TCF4: variants seen among roughly 807,000 people sequenced by gnomAD.
TCF4 encodes the protein transcription factor 4, also known as SL3-3 enhancer factor 2.
Under a neutral mutation model 82.1 loss-of-function variants are expected in TCF4, and 3 were observed. The ratio of observed to expected loss-of-function variants is 0.04; its 90% CI spans 0.02 to 0.09. The LOEUF (loss-of-function observed/expected upper bound fraction) is 0.09, where lower values mean the gene tolerates loss of function less well. Ranked by LOEUF, TCF4 falls within the 10% of genes least tolerant of loss-of-function variation. The pLI is 1.00. For missense variants in TCF4, 518 were observed against 852.7 expected, an observed-to-expected ratio of 0.61 and a Z score of 4.89; for synonymous variants, 276 against 309.6, an observed-to-expected ratio of 0.89 and a Z score of 1.14.
At chr18:55,495,812 C>CTTTA (rs2096628640) in intron 3 of TCF4, 1 of 152,064 alleles carries the variant, frequency 6.6e-6, no homozygotes, top group South Asian at 2.1e-4. Context: ...AGAAAAGAGC[C>CTTTA]ATTTTCCACC....
chr18:55,269,806 C>T, intron 11 of TCF4, 25 bp downstream of exon 11: 2 of 1,612,634 alleles, frequency 1.2e-6, no homozygotes, highest in Middle Eastern at 1.7e-4. Flanking sequence ...TTGTTGGTAT[C>T]AGAATTGGCA....
intron 8 of TCF4, among the ~76,000 whole-genome samples, chr18:55,314,198 T>C (rs1259702335): frequency 6.6e-6 from 1 of 152,102 alleles, no homozygotes; most frequent in Non-Finnish European, 1.5e-5. Context: ...TACACATTTA[T>C]CCCAACCCCC....
chr18:55,359,495 C>T (rs1384740741), intron 6 of TCF4, among the ~76,000 whole-genome samples: 1 of 152,182 alleles, frequency 6.6e-6, no homozygotes, highest in African/African-American at 2.4e-5. Flanking sequence ...TGGCATCCAA[C>T]AGGGTGGGCC....
intron 3 of TCF4, among the ~76,000 whole-genome samples, chr18:55,477,871 T>A (rs1256299648): frequency 6.6e-6 from 1 of 152,222 alleles, no homozygotes; most frequent in African/African-American, 2.4e-5. Context: ...TTGGTTCTAG[T>A]AGGTCTGCAA....
intron 2 of TCF4, among the ~76,000 whole-genome samples, chr18:55,598,599 A>G (rs1263445637): frequency 6.6e-6 from 1 of 152,208 alleles, no homozygotes; most frequent in East Asian, 1.9e-4. Context: ...GAAGGCAGAG[A>G]CCAGTTAGAA....
At chr18:55,416,977 CA>C (rs2094546741) in intron 5 of TCF4, among the ~76,000 whole-genome samples, 2 of 152,064 alleles carry the variant, frequency 1.3e-5, no homozygotes, top group African/African-American at 4.8e-5. Flanking sequence ...GCCGAGTGCT[CA>C]AAGCAAAAAT....
chr18:55,382,658 T>TA (rs149743921), intron 6 of TCF4, among the ~76,000 whole-genome samples: 6 of 151,704 alleles, frequency 4.0e-5, no homozygotes, highest in South Asian at 4.2e-4. Flanking sequence ...GTTTTAATAC[T>TA]AAAAAAAAGG....
intron 6 of TCF4, among the ~76,000 whole-genome samples, chr18:55,382,087 T>C (rs556788915): frequency 5.3e-5 from 8 of 152,234 alleles, no homozygotes; most frequent in African/African-American, 1.9e-4. Flanking sequence ...AGAGAAAAAT[T>C]TGATAAAAGC....
intron 3 of TCF4, among the ~76,000 whole-genome samples, chr18:55,567,141 A>T (rs1223371643): frequency 6.6e-6 from 1 of 152,212 alleles, no homozygotes; most frequent in Non-Finnish European, 1.5e-5. Flanking sequence ...ACAAAAAATT[A>T]AAAAACAGAT....
intron 6 of TCF4, among the ~76,000 whole-genome samples, chr18:55,369,567 C>G (rs1469872844): frequency 2.6e-5 from 4 of 152,202 alleles, no homozygotes; most frequent in African/African-American, 9.7e-5. Context: ...CAAGGAAATA[C>G]ACATTCCCCA....
At chr18:55,503,100 A>G (rs1055036615) in intron 3 of TCF4, among the ~76,000 whole-genome samples, 7 of 152,232 alleles carry the variant, frequency 4.6e-5, no homozygotes, top group Non-Finnish European at 7.3e-5. Context: ...CAACATTAGT[A>G]TAACTTTGAG....
intron 3 of TCF4, among the ~76,000 whole-genome samples, chr18:55,575,427 A>C (rs2097520078): frequency 6.6e-6 from 1 of 152,224 alleles, no homozygotes; most frequent in African/African-American, 2.4e-5. Context: ...CCACCTGCTG[A>C]CCAAAGCTTT....
intron 6 of TCF4, among the ~76,000 whole-genome samples, chr18:55,399,874 TCTCTCTCACACACACACA>T (rs2093706697): frequency 7.7e-6 from 1 of 130,038 alleles, no homozygotes; most frequent in Non-Finnish European, 1.6e-5. Context: ...TCTCTCTCTC[TCTCTCTCACACACACACA>T]CACACACACA....
intron 3 of TCF4, among the ~76,000 whole-genome samples, chr18:55,570,889 CAAAA>C (rs201400921): frequency 1.3e-4 from 9 of 67,800 alleles, no homozygotes; most frequent in Admixed American, 3.5e-4. Flanking sequence ...GACCCTGCCT[CAAAA>C]AAAAAAAAAA....
chr18:55,459,317 G>A (rs2095828736), intron 5 of TCF4, among the ~76,000 whole-genome samples: 2 of 152,172 alleles, frequency 1.3e-5, no homozygotes, highest in South Asian at 4.1e-4. Flanking sequence ...TTGCCCATGA[G>A]GAAACATGAA....
At chr18:55,410,945 A>C (rs1037794770) in intron 5 of TCF4, among the ~76,000 whole-genome samples, 2 of 152,110 alleles carry the variant, frequency 1.3e-5, no homozygotes, top group Non-Finnish European at 2.9e-5. Flanking sequence ...AGACAACAAC[A>C]ACCAAAATCA....
At chr18:55,604,927 C>A (rs1399176658) in intron 2 of TCF4, among the ~76,000 whole-genome samples, 2 of 152,102 alleles carry the variant, frequency 1.3e-5, no homozygotes, top group African/African-American at 4.8e-5. Context: ...GCATTGAGGA[C>A]CAATCTTGAA....
At chr18:55,443,590 T>A (rs2095478148) in intron 5 of TCF4, among the ~76,000 whole-genome samples, 1 of 152,236 alleles carries the variant, frequency 6.6e-6, no homozygotes, top group Non-Finnish European at 1.5e-5. Context: ...GGTAGCCAGT[T>A]AACTATCAGT....
At chr18:55,546,754 G>T (rs891848893) in intron 3 of TCF4, 5 of 152,176 alleles carry the variant, frequency 3.3e-5, no homozygotes, top group African/African-American at 1.2e-4. Flanking sequence ...AGCTTTGAAG[G>T]CTGTAATAAT....
Sources: allele counts gnomAD v4.1 joint callset (sites outside exome capture counted in the v4.1 genomes callset), GRCh38; gene constraint gnomAD v4.1.1; transcripts MANE v1.5; gene names NCBI Gene and HGNC (gene_info 2026-07-23, HGNC 2026-07-21).